Variants in CFAP299 observed in about 807,000 individuals in gnomAD.
CFAP299 encodes cilia and flagella associated protein 299, also known as cilia- and flagella-associated protein 299.
In CFAP299, 21 loss-of-function variants were observed where a neutral mutation model predicts 27.0. The observed-to-expected ratio is 0.78, with a 90% CI of 0.55 to 1.12. The LOEUF (loss-of-function observed/expected upper bound fraction) is 1.12, where lower values mean the gene tolerates loss of function less well. CFAP299 is among the 50% of genes most tolerant of loss of function. The pLI, the probability that CFAP299 is intolerant of heterozygous loss-of-function variation, is 0.00. For missense variants in CFAP299, 310 were observed against 276.6 expected, an observed-to-expected ratio of 1.12 and a Z score of -0.86; for synonymous variants, 104 against 98.1, an observed-to-expected ratio of 1.06 and a Z score of -0.36.
intron 3 of CFAP299, among the ~76,000 whole-genome samples, chr4:80,701,156 G>T (rs1457456279): frequency 6.6e-6 from 1 of 152,042 alleles, no homozygotes; most frequent in Non-Finnish European, 1.5e-5. Context: ...AAAAACATTA[G>T]TGGGGGTTAG....
intron 2 of CFAP299, among the ~76,000 whole-genome samples, chr4:80,547,756 C>T (rs991869193): frequency 5.3e-5 from 8 of 151,992 alleles, no homozygotes; most frequent in Admixed American, 2.6e-4. Context: ...ACATACAAAC[C>T]GCTAACAAAT....
intron 3 of CFAP299, among the ~76,000 whole-genome samples, chr4:80,591,054 T>C (rs1429257776): frequency 6.6e-6 from 1 of 150,862 alleles, no homozygotes; most frequent in Non-Finnish European, 1.5e-5. Context: ...ATGTTTGAAA[T>C]ATTTTATAGT....
At chr4:80,656,114 G>T (rs1444696727) in intron 3 of CFAP299, among the ~76,000 whole-genome samples, 1 of 151,984 alleles carries the variant, frequency 6.6e-6, no homozygotes, top group Admixed American at 6.6e-5. Context: ...CTATTCCGGT[G>T]TTTGCATTGT....
intron 1 of CFAP299, among the ~76,000 whole-genome samples, chr4:80,338,258 A>T (rs1722259193): frequency 6.6e-6 from 1 of 152,346 alleles, no homozygotes; most frequent in Non-Finnish European, 1.5e-5. Context: ...TCAAGTTAAC[A>T]TATGTATTAC....
rs1022797517 is a variant in CFAP299 at position 80,477,441 on chromosome 4, GGTC to G, written c.243-105651_243-105649del. ...TATCCCTATGCCTGTCGCAACTCTT[GGTC>G]ATTCAGTATTCATGGAGATAAGCTT... is the stretch of plus-strand genomic sequence containing the variant. On this transcript the variant is annotated intron_variant, in intron 2 of 5. Coordinates refer to ENST00000358105, the MANE Select transcript of CFAP299 (RefSeq NM_152770.3). 5.0e-4 allele frequency among the ~76,000 whole-genome samples: 76 copies of G among 152,154 alleles called. 1 individual carries two copies. The highest frequency in any genetic ancestry group is 1.8e-3 in the African/African-American group (73 of 41,520).
At chr4:80,493,930 C>T (rs1267518915) in intron 2 of CFAP299, among the ~76,000 whole-genome samples, 1 of 151,392 alleles carries the variant, frequency 6.6e-6, no homozygotes, top group Admixed American at 6.6e-5. Context: ...CGCCCGCCAC[C>T]ACGCCCGGCT....
In CFAP299 at chr4:80,868,442, T is replaced by A. The variant is rs559012444; in HGVS notation, c.334-1551T>A. On this transcript the variant is annotated intron_variant, in intron 3 of 5. Coordinates refer to ENST00000358105, the MANE Select transcript of CFAP299 (RefSeq NM_152770.3). ...TGGATAATTCTTTTATTTTCTGGAT[T>A]CACTGAAGATAGTACTTCATGCATT... Among the ~76,000 whole-genome samples the A allele has an allele frequency of 9.1e-4, 139 of 152,322 alleles. 1 individual carries two copies. Among genetic ancestry groups the A allele is most frequent in the African/African-American group, 3.2e-3 (132 of 41,572 alleles).
chr4:80,349,669 G>GA (rs1560524586), intron 1 of CFAP299, among the ~76,000 whole-genome samples: 2 of 151,810 alleles, frequency 1.3e-5, no homozygotes, highest in African/African-American at 4.8e-5. Flanking sequence ...AATGTAAAAA[G>GA]AAAAAAAGAT....
chr4:80,782,999 TTATC>T (rs980189081), intron 3 of CFAP299, among the ~76,000 whole-genome samples: 24 of 151,974 alleles, frequency 1.6e-4, no homozygotes, highest in African/African-American at 5.6e-4. Context: ...AGTAGATTAG[TTATC>T]TATTGCTGCA....
chr4:80,768,783 A>G lies in CFAP299; in HGVS notation c.334-101210A>G, dbSNP rs1726044080. On this transcript the variant is annotated intron_variant, in intron 3 of 5. Transcript: ENST00000358105. ...TAGGCGATTGGCAAATTTGAGTGTC[A>G]AGGGTCCAAGGCATAGATACAAAAA... is the stretch of plus-strand genomic sequence containing the variant. 2.0e-5 allele frequency among the ~76,000 whole-genome samples: 3 copies of G among 152,308 alleles called. No individual in the cohort carries two copies. The South Asian group carries it at 6.2e-4, about 32-fold the overall frequency.
intron 3 of CFAP299, among the ~76,000 whole-genome samples, chr4:80,594,281 T>G (rs1226544919): frequency 6.6e-6 from 1 of 151,960 alleles, no homozygotes; most frequent in Non-Finnish European, 1.5e-5. Context: ...GACAGAGAGA[T>G]TGAAGGTGGA....
chr4:80,694,052 A>G (rs1465312430), intron 3 of CFAP299, among the ~76,000 whole-genome samples: 1 of 152,188 alleles, frequency 6.6e-6, no homozygotes, highest in Admixed American at 6.5e-5. Flanking sequence ...TATTATGTGT[A>G]AAATTGCCAC....
intron 3 of CFAP299, among the ~76,000 whole-genome samples, chr4:80,691,169 G>A (rs1280233304): frequency 2.1e-5 from 2 of 93,098 alleles, no homozygotes. Flanking sequence ...TAGAAAAAGA[G>A]GGAATCCTCC....
At chr4:80,649,559 C>T (rs978371592) in intron 3 of CFAP299, among the ~76,000 whole-genome samples, 13 of 152,026 alleles carry the variant, frequency 8.6e-5, no homozygotes, top group African/African-American at 3.1e-4. Flanking sequence ...AAAATAAACT[C>T]TAAATAAAAT....
chr4:80,776,926 A>G (rs1047778842), intron 3 of CFAP299, among the ~76,000 whole-genome samples: 1 of 151,598 alleles, frequency 6.6e-6, no homozygotes, highest in Non-Finnish European at 1.5e-5. Context: ...ACCTGATTAT[A>G]ACCCTATAAA....
intron 3 of CFAP299, among the ~76,000 whole-genome samples, chr4:80,855,045 G>A (rs547594783): frequency 8.5e-5 from 13 of 152,128 alleles, no homozygotes; most frequent in African/African-American, 2.2e-4. Flanking sequence ...CCAAAGAGCC[G>A]AAAGGATTAT....
At chr4:80,743,858 A>G (rs1397749602) in intron 3 of CFAP299, among the ~76,000 whole-genome samples, 1 of 152,166 alleles carries the variant, frequency 6.6e-6, no homozygotes, top group African/African-American at 2.4e-5. Flanking sequence ...AAATGCATCT[A>G]AAGGTCTTTT....
chr4:80,376,423 A>G lies in CFAP299; in HGVS notation c.242+13539A>G, dbSNP rs143420070. Among the ~76,000 whole-genome samples the G allele has an allele frequency of 2.7e-3, 405 of 152,294 alleles. 3 individuals carry two copies. Among genetic ancestry groups the G allele is most frequent in the Middle Eastern group, 0.024 (7 of 294 alleles). ...AAATATGTTTTCATATATCTTAAGT[A>G]TATATCCAGGAATGTGATTACTGAT... On this transcript the variant is annotated intron_variant, in intron 2 of 5. Transcript: ENST00000358105.
At chr4:80,870,665 A>G (rs1733031578) in intron 4 of CFAP299, 1 of 985,416 alleles carries the variant, frequency 1.0e-6, no homozygotes, top group African/African-American at 1.7e-5. Context: ...TACACTGCCA[A>G]TCTATTCACA....
Sources: gnomAD v4.1 joint callset for allele counts (sites outside exome capture counted in the v4.1 genomes callset) on GRCh38, gnomAD v4.1.1 for gene constraint, MANE v1.5 for transcripts, NCBI Gene and HGNC (gene_info 2026-07-23, HGNC 2026-07-21) for gene names.